The following KIF1B variants were observed in gnomAD, a reference collection of about 807,000 sequenced individuals.
KIF1B encodes kinesin family member 1B.
KIF1B carries 76 observed loss-of-function variants against 241.9 expected under a neutral mutation model. The observed-to-expected ratio is 0.31, with a 90% CI of 0.26 to 0.38. The LOEUF (loss-of-function observed/expected upper bound fraction) is 0.38. Among genes scored for constraint, KIF1B ranks in the 10% least tolerant of loss-of-function variants. KIF1B has a pLI of 1.00. For synonymous variants in KIF1B, 750 were observed against 796.7 expected (o/e 0.94, Z 0.99); for missense variants, 1,622 against 2,271.4 (o/e 0.71, Z 5.81).
intron 2 of KIF1B, among the ~76,000 whole-genome samples, chr1:10,254,894 A>G (rs1282817327): frequency 6.6e-6 from 1 of 151,254 alleles, no homozygotes; most frequent in Non-Finnish European, 1.5e-5. Flanking sequence ...AAAAAAAAAA[A>G]AAAAAAGCTG....
chr1:10,263,771 G>C (rs1055548806), intron 5 of KIF1B, among the ~76,000 whole-genome samples: 2 of 152,154 alleles, frequency 1.3e-5, no homozygotes, highest in Non-Finnish European at 2.9e-5. Context: ...CTTTTCTTTT[G>C]TATTAGAGTT....
intron 27 of KIF1B, among the ~76,000 whole-genome samples, chr1:10,329,476 C>T (rs765710591): frequency 3.3e-5 from 5 of 152,026 alleles, no homozygotes; most frequent in Admixed American, 1.3e-4. Context: ...GGCTCACTCC[C>T]GTAATCCCAG....
intron 12 of KIF1B, among the ~76,000 whole-genome samples, chr1:10,277,497 G>A (rs1649180435): frequency 6.6e-6 from 1 of 152,070 alleles, no homozygotes; most frequent in Non-Finnish European, 1.5e-5. Flanking sequence ...ACTAGGCCTG[G>A]CTAATTTTTA....
At chr1:10,218,070 A>G (rs1283274823) in intron 1 of KIF1B, among the ~76,000 whole-genome samples, 1 of 152,094 alleles carries the variant, frequency 6.6e-6, no homozygotes, top group African/African-American at 2.4e-5. Context: ...TGTTCCTTCC[A>G]ATAAAATCCT....
chr1:10,327,631 C>T (rs768532758), intron 27 of KIF1B, among the ~76,000 whole-genome samples: 2 of 152,094 alleles, frequency 1.3e-5, no homozygotes, highest in Non-Finnish European at 2.9e-5. Context: ...TGATGCAGAA[C>T]TCTCTATGCA....
intron 2 of KIF1B, among the ~76,000 whole-genome samples, chr1:10,242,751 G>C (rs932982002): frequency 1.3e-5 from 2 of 151,970 alleles, no homozygotes; most frequent in Non-Finnish European, 1.5e-5. Flanking sequence ...TCCTGACCTC[G>C]TGATCTGCCC....
At chr1:10,300,539 C>T (rs1482359488) in intron 22 of KIF1B, among the ~76,000 whole-genome samples, 1 of 151,822 alleles carries the variant, frequency 6.6e-6, no homozygotes, top group Non-Finnish European at 1.5e-5. Flanking sequence ...GTCTCTTAAG[C>T]ATGATATTAA....
chr1:10,271,649 A>G (rs2102213453), intron 8 of KIF1B, 70 bp downstream of exon 8: 2 of 1,017,460 alleles, frequency 2.0e-6, no homozygotes, highest in South Asian at 2.5e-5. Context: ...ATAAAATTTT[A>G]TTGAAACACA....
chr1:10,325,036 C>A, intron 26 of KIF1B, 141 bp downstream of exon 26: 1 of 886,414 alleles, frequency 1.1e-6, no homozygotes, highest in Non-Finnish European at 1.8e-6. Flanking sequence ...CCACTCACAA[C>A]CACTGCGTCA....
At chr1:10,315,597 AAG>A (rs1651269374) in intron 22 of KIF1B, among the ~76,000 whole-genome samples, 2 of 151,612 alleles carry the variant, frequency 1.3e-5, no homozygotes, top group Non-Finnish European at 2.9e-5. Flanking sequence ...AAAATTAGGA[AAG>A]AGAGTGTTTT....
intron 22 of KIF1B, among the ~76,000 whole-genome samples, chr1:10,299,561 G>A (rs1650438046): frequency 6.6e-6 from 1 of 152,138 alleles, no homozygotes; most frequent in African/African-American, 2.4e-5. Flanking sequence ...AACATTGAGA[G>A]AATACAAAGG....
chr1:10,351,986 C>CA (rs1377703225), intron 37 of KIF1B, among the ~76,000 whole-genome samples: 5 of 151,268 alleles, frequency 3.3e-5, no homozygotes, highest in East Asian at 1.9e-4. Context: ...AAAAAAAACA[C>CA]AAAAAAACAA....
chr1:10,237,665 A>T (rs1376527828), intron 2 of KIF1B, among the ~76,000 whole-genome samples: 2 of 152,108 alleles, frequency 1.3e-5, no homozygotes, highest in Non-Finnish European at 2.9e-5. Context: ...TCTAAACCAA[A>T]TGCCGCACAG....
chr1:10,342,260 A>T, intron 33 of KIF1B, 92 bp downstream of exon 33: 12 of 850,972 alleles, frequency 1.4e-5, no homozygotes, highest in Middle Eastern at 2.2e-4. Flanking sequence ...TGAGGGATTA[A>T]GATAACTAAA....
chr1:10,361,712 G>A lies in KIF1B; in HGVS notation c.4191G>A (p.Pro1397=), dbSNP rs374650248. Residue 1397 remains proline, a synonymous_variant, in exon 40 of 49, where the codon CCG becomes CCA. Coordinates refer to ENST00000676179, the MANE Select transcript of KIF1B (RefSeq NM_001365951.3). ...TTCAGCTGGATCATTGCATCCAGCC[G>A]GCTGTCATCACCAAGGATGTGTGCA... The part of the protein sequence containing the change: ...AYLELDHCIQ[P]AVITKDVCMV... The A allele has an allele frequency of 2.4e-5, 39 of 1,613,800 alleles. No individual in the cohort carries two copies. The highest frequency in any genetic ancestry group is 1.6e-4 in the Middle Eastern group (1 of 6,084).
At chr1:10,361,343 T>C (rs1638415395) in intron 39 of KIF1B, among the ~76,000 whole-genome samples, 1 of 152,224 alleles carries the variant, frequency 6.6e-6, no homozygotes, top group African/African-American at 2.4e-5. Flanking sequence ...TTTGTAGTTG[T>C]GGACAGAGTG....
chr1:10,284,350 G>A (rs1411686737), intron 15 of KIF1B, among the ~76,000 whole-genome samples: 2 of 152,140 alleles, frequency 1.3e-5, no homozygotes, highest in African/African-American at 4.8e-5. Context: ...AGGAGTTCAA[G>A]ACCCGCTTGG....
chr1:10,369,181 A>T (rs1462017364), intron 44 of KIF1B, among the ~76,000 whole-genome samples: 4 of 152,086 alleles, frequency 2.6e-5, no homozygotes, highest in African/African-American at 9.7e-5. Context: ...TTCCTGCTTT[A>T]TTTTTTGCTA....
At chr1:10,372,723 A>C (rs1638778887) in intron 45 of KIF1B, among the ~76,000 whole-genome samples, 1 of 138,608 alleles carries the variant, frequency 7.2e-6, no homozygotes. Context: ...TCCGCCTCCC[A>C]GGTTCACGCC....
Sources: gnomAD v4.1 joint callset for allele counts (sites outside exome capture counted in the v4.1 genomes callset) on GRCh38, gnomAD v4.1.1 for gene constraint, MANE v1.5 for transcripts, NCBI Gene and HGNC (gene_info 2026-07-23, HGNC 2026-07-21) for gene names.